The following CDK7 variants were observed in gnomAD, a reference collection of about 807,000 sequenced individuals.
The protein encoded by CDK7 is cyclin dependent kinase 7.
Under a neutral mutation model 49.1 loss-of-function variants are expected in CDK7, and 25 were observed. The observed-to-expected ratio is 0.51, with a 90% CI of 0.37 to 0.71. The LOEUF (loss-of-function observed/expected upper bound fraction) is 0.71, where lower values mean the gene tolerates loss of function less well. Among genes scored for constraint, CDK7 ranks in the 30% least tolerant of loss-of-function variants. CDK7 has a pLI of 0.00. For synonymous variants in CDK7, 107 were observed against 140.0 expected (o/e 0.76, Z 1.67); for missense variants, 316 against 411.7 (o/e 0.77, Z 2.01).
At position 69,269,194 on chromosome 5, in the gene CDK7, T is replaced by TA; in HGVS notation, c.628-12dup. On this transcript the variant is annotated splice_polypyrimidine_tract_variant and intron_variant, in intron 8 of 11. Coordinates refer to ENST00000256443, the MANE Select transcript of CDK7 (RefSeq NM_001799.4). The stretch of plus-strand genomic sequence containing the variant: ...AACCCACCTTGAAAAGTCTCCCTCT[T>TA]ACTTTCTTTCAGGTTCCTTTTTTGC... 6.4e-7 allele frequency: 1 copy of TA among 1,568,498 alleles called. No homozygotes were observed. The highest frequency in any genetic ancestry group is 1.2e-5 in the South Asian group (1 of 84,874).
chr5:69,260,378 AAAC>A lies in CDK7; in HGVS notation c.527+443_527+445del, dbSNP rs547473022. On this transcript the variant is annotated intron_variant, in intron 7 of 11. Transcript: ENST00000256443. ...GAAAAACAAAAAACAAACAAAAAAA[AAAC>A]CTGTCATTTTTATGTTAGGTATACT... Among the ~76,000 whole-genome samples the A allele has an allele frequency of 1.6e-3, 250 of 152,252 alleles. 1 individual carries two copies. Among genetic ancestry groups the A allele is most frequent in the African/African-American group, 5.8e-3 (241 of 41,558 alleles).
chr5:69,237,523 G>C (rs2150179022), intron 2 of CDK7, among the ~76,000 whole-genome samples: 1 of 152,162 alleles, frequency 6.6e-6, no homozygotes, highest in African/African-American at 2.4e-5. Flanking sequence ...CCTATGCTTT[G>C]CTATATTTCT....
intron 8 of CDK7, among the ~76,000 whole-genome samples, chr5:69,263,191 C>T (rs1404180317): frequency 6.6e-6 from 1 of 152,070 alleles, no homozygotes; most frequent in Admixed American, 6.6e-5. Flanking sequence ...TTTAGATCTC[C>T]AGAAAGACTA....
At chr5:69,235,692 T>A (rs1748923433) in intron 2 of CDK7, among the ~76,000 whole-genome samples, 2 of 152,358 alleles carry the variant, frequency 1.3e-5, no homozygotes, top group South Asian at 4.1e-4. Context: ...CATAAATTCA[T>A]ATGTTGTGGG....
intron 7 of CDK7, 142 bp from the exon 8 acceptor site, chr5:69,262,063 T>G: frequency 3.2e-6 from 3 of 933,224 alleles, no homozygotes; most frequent in Non-Finnish European, 4.9e-6. Flanking sequence ...ATTTAAAACT[T>G]CATGAAAGAG....
intron 5 of CDK7, 61 bp downstream of exon 5, chr5:69,255,589 A>G (rs766972252): frequency 8.4e-7 from 1 of 1,191,518 alleles, no homozygotes; most frequent in Non-Finnish European, 1.3e-6. Flanking sequence ...GAACCTAAAT[A>G]TTTGTTTTCT....
At chr5:69,241,267 A>C (rs945626735) in intron 2 of CDK7, among the ~76,000 whole-genome samples, 6 of 149,512 alleles carry the variant, frequency 4.0e-5, no homozygotes, top group Middle Eastern at 3.2e-3. Flanking sequence ...CTTTTGGATA[A>C]AAGCCATTTA....
At chr5:69,269,179 GAA>G (rs1751362395) in intron 8 of CDK7, 26 bp from the exon 9 acceptor site, 1 of 1,413,404 alleles carries the variant, frequency 7.1e-7, no homozygotes, top group East Asian at 2.3e-5. Flanking sequence ...AACCCACCTT[GAA>G]AAGTCTCCCT....
intron 2 of CDK7, among the ~76,000 whole-genome samples, chr5:69,236,954 CTTTTTTTTTTT>C (rs4053029): frequency 9.5e-5 from 8 of 84,266 alleles, no homozygotes; most frequent in African/African-American, 3.6e-4. Flanking sequence ...GCCTGGCCTT[CTTTTTTTTTTT>C]TTTTTTTTTT....
intron 3 of CDK7, 26 bp downstream of exon 3, chr5:69,252,477 A>G: frequency 6.1e-6 from 6 of 981,886 alleles, no homozygotes; most frequent in Non-Finnish European, 7.6e-6. Flanking sequence ...AATCTGACAG[A>G]TAGGAAAAGT....
intron 5 of CDK7, chr5:69,255,892 C>G (rs2932788): frequency 0.29 from 57,925 of 200,510 alleles, 9,435 homozygotes; most frequent in East Asian, 0.39. Flanking sequence ...GGCGTGATCT[C>G]GGCTCTCTGC....
intron 2 of CDK7, among the ~76,000 whole-genome samples, chr5:69,246,664 G>A (rs1053936486): frequency 6.8e-6 from 1 of 146,578 alleles, no homozygotes; most frequent in African/African-American, 2.5e-5. Flanking sequence ...TGCTTTTCTA[G>A]TTCTTTAAGA....
chr5:69,273,036 A>G lies in CDK7; in HGVS notation c.859A>G (p.Thr287Ala), dbSNP rs1751725157. The G allele has an allele frequency of 1.3e-6, 2 of 1,538,510 alleles. No individual in the cohort carries two copies. Among genetic ancestry groups the G allele is most frequent in the Non-Finnish European group, 1.8e-6 (2 of 1,134,812 alleles). Residue 287 changes from threonine (T) to alanine (A), a missense_variant, in exon 10 of 12, where the codon ACA (threonine) becomes GCA (alanine). Thr to Ala is a moderately conservative substitution (Grantham distance 58, BLOSUM62 0). Transcript: ENST00000256443. ...LFNPCARITA[T>A]QALKMKYFSN... ...TAATCCATGTGCTCGAATTACGGCC[A>G]CACAGGTATTTTGGTGTATCTTTTT... is the stretch of plus-strand genomic sequence containing the variant.
chr5:69,250,486 C>T (rs975817699), intron 2 of CDK7, among the ~76,000 whole-genome samples: 2 of 152,172 alleles, frequency 1.3e-5, no homozygotes, highest in African/African-American at 4.8e-5. Flanking sequence ...GGATTATTGC[C>T]AGGGTACCAC....
At chr5:69,237,304 A>G (rs995258735) in intron 2 of CDK7, among the ~76,000 whole-genome samples, 3 of 152,134 alleles carry the variant, frequency 2.0e-5, no homozygotes, top group African/African-American at 7.2e-5. Context: ...TCACTATATC[A>G]TAGCCACACT....
At chr5:69,268,400 G>C (rs2150226262) in intron 8 of CDK7, among the ~76,000 whole-genome samples, 1 of 152,300 alleles carries the variant, frequency 6.6e-6, no homozygotes, top group Middle Eastern at 3.4e-3. Context: ...TTAAAATTTG[G>C]AGTGAATAAA....
chr5:69,246,900 T>C (rs1749792665), intron 2 of CDK7, among the ~76,000 whole-genome samples: 1 of 152,226 alleles, frequency 6.6e-6, no homozygotes, highest in Non-Finnish European at 1.5e-5. Context: ...GTGTATTACA[T>C]AGTTTCCAAA....
intron 2 of CDK7, among the ~76,000 whole-genome samples, chr5:69,241,373 T>TGCA (rs1749373944): frequency 7.3e-6 from 1 of 136,338 alleles, no homozygotes; most frequent in Non-Finnish European, 1.5e-5. Context: ...CAGGCTGGAG[T>TGCA]GCAGTGGCGC....
intron 8 of CDK7, among the ~76,000 whole-genome samples, chr5:69,268,225 G>A (rs1204876159): frequency 1.3e-5 from 2 of 152,128 alleles, no homozygotes; most frequent in Non-Finnish European, 1.5e-5. Flanking sequence ...CTCTTTCCAT[G>A]TGGTCTAGGA....
Sources: allele counts gnomAD v4.1 joint callset (sites outside exome capture counted in the v4.1 genomes callset), GRCh38; gene constraint gnomAD v4.1.1; transcripts MANE v1.5; gene names NCBI Gene and HGNC (gene_info 2026-07-23, HGNC 2026-07-21).